The following GTF2A2 variants were observed in gnomAD, a reference collection of about 807,000 sequenced individuals.
GTF2A2 encodes the protein transcription initiation factor IIA subunit 2.
In GTF2A2, 9 loss-of-function variants were observed where a neutral mutation model predicts 14.3. That is an observed-to-expected ratio of 0.63 (90% CI 0.38 to 1.10). GTF2A2 has a LOEUF of 1.10. Ranked by LOEUF, GTF2A2 falls within the 50% of genes least tolerant of loss-of-function variation. The pLI is 0.01. For missense variants in GTF2A2, 90 were observed against 124.6 expected, an observed-to-expected ratio of 0.72 and a Z score of 1.32; for synonymous variants, 56 against 46.0, an observed-to-expected ratio of 1.22 and a Z score of -0.88.
intron 4 of GTF2A2, among the ~76,000 whole-genome samples, chr15:59,639,387 T>TAAAACTA (rs1175472647): frequency 6.6e-6 from 1 of 151,858 alleles, no homozygotes; most frequent in Non-Finnish European, 1.5e-5. Flanking sequence ...CATACTAGAG[T>TAAAACTA]AAAACTAAGT....
Position 59,652,287 on chromosome 15 carries a change from GGAA to G in GTF2A2, c.-13_-11del, listed in dbSNP as rs1173430626. On this transcript the variant is annotated 5_prime_UTR_variant, in exon 2 of 5. Coordinates refer to ENST00000396060, the MANE Select transcript of GTF2A2 (RefSeq NM_004492.3). The stretch of plus-strand genomic sequence containing the variant: ...ATAACTGATATGCCATGGCTTAGGA[GGAA>G]GAATTTGTTTTTCTTATTCAAGCTT... 1 of 1,543,972 alleles carries G rather than the reference GGAA, an allele frequency of 6.5e-7. No homozygotes were observed. The highest frequency in any genetic ancestry group is 1.2e-5 in the South Asian group (1 of 86,266).
At chr15:59,647,991 T>G (rs1891661215) in intron 3 of GTF2A2, among the ~76,000 whole-genome samples, 1 of 152,182 alleles carries the variant, frequency 6.6e-6, no homozygotes, top group South Asian at 2.1e-4. Flanking sequence ...ATCTTATTTT[T>G]GGGGGGTGTG....
At chr15:59,654,158 T>C (rs1348084287) in intron 1 of GTF2A2, among the ~76,000 whole-genome samples, 1 of 152,148 alleles carries the variant, frequency 6.6e-6, no homozygotes, top group Admixed American at 6.5e-5. Flanking sequence ...AAACCACCAA[T>C]GGCAGCATCC....
At chr15:59,654,941 G>A (rs1376832840) in intron 1 of GTF2A2, among the ~76,000 whole-genome samples, 1 of 152,166 alleles carries the variant, frequency 6.6e-6, no homozygotes, top group African/African-American at 2.4e-5. Flanking sequence ...TCATGTTGGT[G>A]CTCAAAGTTT....
chr15:59,644,715 G>A (rs1427300768), intron 3 of GTF2A2, among the ~76,000 whole-genome samples: 2 of 152,180 alleles, frequency 1.3e-5, no homozygotes, highest in African/African-American at 4.8e-5. Context: ...TAAAGAATAA[G>A]TAAGAGTCAA....
At chr15:59,647,224 C>G (rs1891634583) in intron 3 of GTF2A2, among the ~76,000 whole-genome samples, 1 of 152,084 alleles carries the variant, frequency 6.6e-6, no homozygotes, top group Non-Finnish European at 1.5e-5. Flanking sequence ...TCCCCAGCAG[C>G]TGGGACTATG....
chr15:59,642,052 G>A, intron 4 of GTF2A2, 84 bp downstream of exon 4: 1 of 1,243,838 alleles, frequency 8.0e-7, no homozygotes, highest in Non-Finnish European at 1.1e-6. Context: ...TACCCGTTAG[G>A]CTTTTCATAT....
intron 2 of GTF2A2, chr15:59,651,989 T>G: frequency 2.3e-6 from 1 of 436,132 alleles, no homozygotes; most frequent in Non-Finnish European, 4.1e-6. Flanking sequence ...TACCCAGATT[T>G]AGCTATATTT....
intron 1 of GTF2A2, among the ~76,000 whole-genome samples, chr15:59,655,646 G>C (rs917123217): frequency 1.4e-4 from 21 of 152,068 alleles, no homozygotes; most frequent in African/African-American, 5.1e-4. Flanking sequence ...CATTCCTTAC[G>C]GATAACATTT....
chr15:59,653,666 G>A (rs1205145227), intron 1 of GTF2A2, among the ~76,000 whole-genome samples: 1 of 151,936 alleles, frequency 6.6e-6, no homozygotes, highest in African/African-American at 2.4e-5. Context: ...CTACTATCTG[G>A]TGATGACTCT....
At chr15:59,639,867 C>T (rs936961619) in intron 4 of GTF2A2, among the ~76,000 whole-genome samples, 1 of 152,134 alleles carries the variant, frequency 6.6e-6, no homozygotes, top group Admixed American at 6.6e-5. Context: ...TGTCCTGCCT[C>T]AGCCTCCGCA....
rs563069475 is a variant in GTF2A2, at chr15:59,642,369, G to C, written c.178-107C>G. The C allele has an allele frequency of 1.7e-5, 16 of 930,806 alleles. No homozygotes were observed. In the South Asian group the frequency reaches 4.4e-4, roughly 25 times the overall value. The allele number at this position is 930,806 out of a possible 1,614,324, so 57.7% of individuals were successfully genotyped here. A position where few individuals can be genotyped will look rare whatever the true frequency, so the allele number is the denominator to read the frequency against. ...CTACCAAGAACATAATAAGTTTAAT[G>C]CTTAGCTTAAGATTTTCCTTAACTT... is the stretch of plus-strand genomic sequence containing the variant. On this transcript the variant is annotated intron_variant, in intron 3 of 4. Transcript: ENST00000396060.
intron 1 of GTF2A2, among the ~76,000 whole-genome samples, chr15:59,653,386 G>A (rs544653813): frequency 2.6e-5 from 4 of 152,244 alleles, no homozygotes; most frequent in African/African-American, 9.6e-5. Flanking sequence ...AAAAATAATG[G>A]CCAGCCATCA....
intron 3 of GTF2A2, among the ~76,000 whole-genome samples, chr15:59,642,610 C>CAT (rs1237966334): frequency 6.6e-6 from 1 of 152,144 alleles, no homozygotes; most frequent in East Asian, 1.9e-4. Context: ...TTAAAAGTTA[C>CAT]ATATTTTATT....
At chr15:59,647,594 T>G (rs1891647627) in intron 3 of GTF2A2, among the ~76,000 whole-genome samples, 1 of 152,178 alleles carries the variant, frequency 6.6e-6, no homozygotes, top group Non-Finnish European at 1.5e-5. Context: ...TTGTATTTTT[T>G]TTAAGATACA....
chr15:59,641,730 T>C (rs908236459), intron 4 of GTF2A2, among the ~76,000 whole-genome samples: 3 of 152,224 alleles, frequency 2.0e-5, no homozygotes, highest in South Asian at 2.1e-4. Context: ...AAAGTTCTTA[T>C]GGCTAATTAA....
intron 1 of GTF2A2, among the ~76,000 whole-genome samples, chr15:59,655,509 C>T (rs1187711053): frequency 6.6e-6 from 1 of 152,212 alleles, no homozygotes; most frequent in Admixed American, 6.5e-5. Context: ...GGACACTGCC[C>T]TTTTCGGATT....
At chr15:59,650,542 C>A in intron 3 of GTF2A2, 127 bp downstream of exon 3, 3 of 568,464 alleles carry the variant, frequency 5.3e-6, no homozygotes, top group East Asian at 2.8e-5. Flanking sequence ...TACTATAAAA[C>A]AAGTTCCAAA....
intron 1 of GTF2A2, 145 bp downstream of exon 1, chr15:59,657,261 C>A (rs1291626402): frequency 1.3e-5 from 2 of 152,304 alleles, no homozygotes; most frequent in East Asian, 3.9e-4. Flanking sequence ...GGCCGCGGGG[C>A]CTTGCCGGCA....
Sources: gnomAD v4.1 joint callset for allele counts (sites outside exome capture counted in the v4.1 genomes callset) on GRCh38, gnomAD v4.1.1 for gene constraint, MANE v1.5 for transcripts, NCBI Gene and HGNC (gene_info 2026-07-23, HGNC 2026-07-21) for gene names.